Variants in TIPARP observed in about 807,000 individuals in gnomAD.
TIPARP encodes the protein protein mono-ADP-ribosyltransferase TIPARP.
TIPARP carries 12 observed loss-of-function variants against 56.5 expected under a neutral mutation model. The ratio of observed to expected loss-of-function variants is 0.21; its 90% CI spans 0.14 to 0.34. The LOEUF is 0.34. Among genes scored for constraint, TIPARP ranks in the 10% least tolerant of loss-of-function variants. TIPARP has a pLI of 1.00. For synonymous variants in TIPARP, 296 were observed against 265.7 expected, an observed-to-expected ratio of 1.11 and a Z score of -1.11; for missense variants, 604 against 781.6, an observed-to-expected ratio of 0.77 and a Z score of 2.71.
rs375730909 is a variant in TIPARP at position 156,688,470 on chromosome 3, A to C, written c.918-5550A>C. Among the ~76,000 whole-genome samples the C allele has an allele frequency of 2.2e-3, 269 of 122,054 alleles. 3 individuals are homozygous for C. Among genetic ancestry groups the C allele is most frequent in the African/African-American group, 7.9e-3 (254 of 32,016 alleles). The allele number at this position is 122,054 out of a possible 152,430, so 80.1% of individuals were successfully genotyped here. On this transcript the variant is annotated intron_variant, in intron 2 of 5. Coordinates refer to ENST00000295924, the MANE Select transcript of TIPARP (RefSeq NM_015508.5). The stretch of plus-strand genomic sequence containing the variant: ...CTTTGGATGTAAGCATTTATGAATA[A>C]GTTTTATTGCCGCCCCCCCCCGCAA...
chr3:156,685,540 T>C (rs1335763889), intron 2 of TIPARP, among the ~76,000 whole-genome samples: 3 of 152,230 alleles, frequency 2.0e-5, no homozygotes, highest in African/African-American at 7.2e-5. Flanking sequence ...TCATGCAAAT[T>C]GAAGTCCTCT....
chr3:156,704,083 T>C (rs923785661), intron 5 of TIPARP, among the ~76,000 whole-genome samples: 1 of 150,772 alleles, frequency 6.6e-6, no homozygotes, highest in Non-Finnish European at 1.5e-5. Flanking sequence ...AGGAACATAA[T>C]AGTAAACATT....
At chr3:156,681,681 A>G (rs1310600103) in intron 2 of TIPARP, among the ~76,000 whole-genome samples, 6 of 152,214 alleles carry the variant, frequency 3.9e-5, no homozygotes, top group Non-Finnish European at 7.3e-5. Flanking sequence ...TACTAAAAGC[A>G]CATTAAAAAA....
Position 156,678,298 on chromosome 3 carries a change from G to C in TIPARP, c.601G>C (p.Asp201His), listed in dbSNP as rs772553375. 3.7e-6 allele frequency: 6 copies of C among 1,614,150 alleles called. No individual in the cohort carries two copies. The highest frequency in any genetic ancestry group is 5.1e-6 in the Non-Finnish European group (6 of 1,180,040). The change falls in exon 2 of 6, where the codon GAC (aspartate) becomes CAC (histidine). Residue 201 changes from aspartate to histidine, a missense_variant. Asp to His is a moderately conservative substitution (Grantham distance 81, BLOSUM62 -1). Transcript: ENST00000295924. ...ENSFTIQYIL[D>H]TSDKLSTELF... The stretch of plus-strand genomic sequence containing the variant: ...CAGTTTTACAATCCAATACATTCTG[G>C]ACACCAGTGATAAGCTGAGTACTGA...
chr3:156,689,084 A>G (rs1215301654), intron 2 of TIPARP, among the ~76,000 whole-genome samples: 1 of 152,212 alleles, frequency 6.6e-6, no homozygotes, highest in Non-Finnish European at 1.5e-5. Flanking sequence ...TCTGAAGTCT[A>G]ACCGATCTGG....
chr3:156,686,159 G>A (rs1722422787), intron 2 of TIPARP, among the ~76,000 whole-genome samples: 1 of 152,196 alleles, frequency 6.6e-6, no homozygotes. Flanking sequence ...AAGGAACTTT[G>A]CTTGCTTGCT....
In TIPARP at chr3:156,678,047, T is replaced by C. The variant is rs868513491; in HGVS notation, c.350T>C (p.Val117Ala). The C allele has an allele frequency of 6.2e-7, 1 of 1,614,122 alleles. No homozygotes were observed. The change falls in exon 2 of 6, where the codon GTT becomes GCT. Residue 117 changes from valine (V) to alanine (A), a missense_variant. Val to Ala is a moderately conservative substitution (Grantham distance 64). This residue lies in a region of TIPARP where 261 missense variants were observed against 279.2 expected (regional missense o/e 0.93). Transcript: ENST00000295924. ...GTTCTGATTCCTGATAGGACAAATG[T>C]TGGGGACCAGATACCGGAAGCCCAT... Reference protein sequence around the residue: ...MSVLIPDRTNVGDQIPEAHPS... With the variant: ...MSVLIPDRTNAGDQIPEAHPS...
intron 2 of TIPARP, among the ~76,000 whole-genome samples, chr3:156,692,196 A>G (rs1488879800): frequency 6.6e-6 from 1 of 152,150 alleles, no homozygotes; most frequent in Admixed American, 6.5e-5. Flanking sequence ...TATGTTTAGA[A>G]ACTTGAAACA....
chr3:156,686,158 T>G (rs1722422732), intron 2 of TIPARP, among the ~76,000 whole-genome samples: 1 of 152,236 alleles, frequency 6.6e-6, no homozygotes, highest in Admixed American at 6.5e-5. Flanking sequence ...GAAGGAACTT[T>G]GCTTGCTTGC....
intron 2 of TIPARP, among the ~76,000 whole-genome samples, chr3:156,690,458 A>G (rs1722541588): frequency 6.6e-6 from 1 of 152,202 alleles, no homozygotes; most frequent in South Asian, 2.1e-4. Context: ...TATTTGTTGA[A>G]TAAGAGGAGA....
At chr3:156,689,992 G>A (rs1000973407) in intron 2 of TIPARP, among the ~76,000 whole-genome samples, 1 of 152,108 alleles carries the variant, frequency 6.6e-6, no homozygotes, top group Non-Finnish European at 1.5e-5. Flanking sequence ...TTGGTGCTCT[G>A]TGTCATTTTG....
intron 2 of TIPARP, among the ~76,000 whole-genome samples, chr3:156,685,247 G>T (rs1360529993): frequency 2.6e-5 from 4 of 152,160 alleles, no homozygotes; most frequent in African/African-American, 9.7e-5. Flanking sequence ...CCTATTTGCC[G>T]TTTCCACACA....
Position 156,705,252 on chromosome 3 carries a change from A to AT in TIPARP, c.*127dup, listed in dbSNP as rs1422181839. 4.4e-6 allele frequency: 3 copies of AT among 682,844 alleles called. No individual in the cohort carries two copies. Among genetic ancestry groups the AT allele is most frequent in the Non-Finnish European group, 7.0e-6 (3 of 430,808 alleles). The allele number at this position is 682,844 out of a possible 1,614,324, so 42.3% of individuals were successfully genotyped here. On this transcript the variant is annotated 3_prime_UTR_variant, in exon 6 of 6. Coordinates refer to ENST00000295924, the MANE Select transcript of TIPARP (RefSeq NM_015508.5). ...CATTAATAGGGCACTTTTCAGACCC[A>AT]TTTTTTAAAGTGCTAGAAAATGCTT...
chr3:156,697,483 A>T (rs1258007310), intron 4 of TIPARP, among the ~76,000 whole-genome samples: 4 of 150,470 alleles, frequency 2.7e-5, no homozygotes, highest in Non-Finnish European at 4.4e-5. Flanking sequence ...TAAAGATAAT[A>T]TAAGCAGCAA....
chr3:156,704,572 GC>G, intron 5 of TIPARP, 111 bp from the exon 6 acceptor site: 1 of 1,081,694 alleles, frequency 9.2e-7, no homozygotes, highest in Non-Finnish European at 1.3e-6. Flanking sequence ...ATGGCATTTT[GC>G]CCTTGATAAC....
At chr3:156,677,398 T>G (rs1177690550) in intron 1 of TIPARP, among the ~76,000 whole-genome samples, 1 of 152,230 alleles carries the variant, frequency 6.6e-6, no homozygotes, top group African/African-American at 2.4e-5. Context: ...AACTCTTATG[T>G]ATTCAGTCCA....
In TIPARP at chr3:156,677,901, A is replaced by G. The variant is rs1188392839; in HGVS notation, c.204A>G (p.Ser68=). ...PILNTLLESG[S]LDGVFRSRNQ... ...TAAACACTCTTCTAGAATCTGGCTC[A>G]CTTGATGGGGTTTTTAGATCTAGGA... is the stretch of plus-strand genomic sequence containing the variant. Residue 68 remains serine, a synonymous_variant, in exon 2 of 6, where the codon TCA becomes TCG. Transcript: ENST00000295924. 6.2e-7 allele frequency: 1 copy of G among 1,614,126 alleles called. No homozygotes were observed. Among genetic ancestry groups the G allele is most frequent in the African/African-American group, 1.3e-5 (1 of 75,028 alleles).
intron 4 of TIPARP, among the ~76,000 whole-genome samples, chr3:156,696,599 ACT>A (rs1006870775): frequency 2.0e-5 from 3 of 152,002 alleles, no homozygotes; most frequent in Admixed American, 1.3e-4. Context: ...GACTGAACTC[ACT>A]CTTCTGAATT....
chr3:156,688,484 C>CCA lies in TIPARP; in HGVS notation c.918-5535_918-5534insAC, dbSNP rs1345561377. Among the ~76,000 whole-genome samples the CCA allele has an allele frequency of 3.4e-4, 50 of 148,370 alleles. 1 individual carries two copies. Among genetic ancestry groups the CCA allele is most frequent in the African/African-American group, 1.2e-3 (48 of 39,780 alleles). On this transcript the variant is annotated intron_variant, in intron 2 of 5. Coordinates refer to ENST00000295924, the MANE Select transcript of TIPARP (RefSeq NM_015508.5). ...ATTTATGAATAAGTTTTATTGCCGC[C>CCA]CCCCCCCGCAATAAGTAGCCCTGTG...
Sources: allele counts gnomAD v4.1 joint callset (sites outside exome capture counted in the v4.1 genomes callset), GRCh38; gene constraint gnomAD v4.1.1; regional missense constraint gnomAD v4.1.1; transcripts MANE v1.5; gene names NCBI Gene and HGNC (gene_info 2026-07-23, HGNC 2026-07-21).